Variants in PARP8 observed in about 807,000 individuals in gnomAD.
PARP8 encodes poly(ADP-ribose) polymerase family member 8, also known as protein mono-ADP-ribosyltransferase PARP8.
PARP8 carries 51 observed loss-of-function variants against 124.1 expected under a neutral mutation model. That is an observed-to-expected ratio of 0.41 (90% CI 0.33 to 0.52). The LOEUF (loss-of-function observed/expected upper bound fraction) is 0.52. PARP8 is among the 20% of genes least tolerant of loss of function. PARP8 has a pLI of 0.21. For missense variants in PARP8, 860 were observed against 1,018.9 expected (o/e 0.84, Z 2.12); for synonymous variants, 391 against 361.5 (o/e 1.08, Z -0.93).
intron 2 of PARP8, among the ~76,000 whole-genome samples, chr5:50,691,723 A>G (rs1435809463): frequency 1.3e-5 from 2 of 152,132 alleles, no homozygotes; most frequent in Admixed American, 6.6e-5. Context: ...CCTACTAGAC[A>G]TCACAAACTG....
At chr5:50,739,195 A>G in intron 2 of PARP8, 1 of 636,540 alleles carries the variant, frequency 1.6e-6, no homozygotes, top group East Asian at 2.7e-5. Context: ...CTTCCATTGC[A>G]GGGGGATCTG....
chr5:50,770,724 C>CGAAA (rs70972946), intron 7 of PARP8, among the ~76,000 whole-genome samples: 35,349 of 149,992 alleles, frequency 0.24, 4,942 homozygotes, highest in African/African-American at 0.4. Context: ...AGAAAGAAAA[C>CGAAA]GAAGGAAAGA....
intron 2 of PARP8, among the ~76,000 whole-genome samples, chr5:50,740,257 C>A (rs533775367): frequency 6.6e-5 from 10 of 152,210 alleles, no homozygotes; most frequent in African/African-American, 2.4e-4. Context: ...AAGATCTGAT[C>A]AAGTCTGGGA....
chr5:50,698,463 A>G (rs967943225), intron 2 of PARP8, among the ~76,000 whole-genome samples: 5 of 152,162 alleles, frequency 3.3e-5, no homozygotes, highest in Non-Finnish European at 4.4e-5. Context: ...CTTATTCCTT[A>G]TTATCTTCTT....
chr5:50,751,110 A>C (rs1580201299), intron 3 of PARP8, among the ~76,000 whole-genome samples: 1 of 146,306 alleles, frequency 6.8e-6, no homozygotes, highest in Admixed American at 6.9e-5. Flanking sequence ...ACTTTAAGTC[A>C]AGGTAATAGA....
intron 7 of PARP8, among the ~76,000 whole-genome samples, chr5:50,773,992 A>C (rs192040507): frequency 6.6e-6 from 1 of 152,124 alleles, no homozygotes; most frequent in African/African-American, 2.4e-5. Context: ...GCGGCCTTCC[A>C]CAGTGTTTGT....
At chr5:50,709,955 TACAC>T (rs1554047144) in intron 2 of PARP8, among the ~76,000 whole-genome samples, 26 of 103,310 alleles carry the variant, frequency 2.5e-4, no homozygotes, top group African/African-American at 6.4e-4. Context: ...TATATATATA[TACAC>T]ATACATATAT....
rs147910605 is a variant in PARP8 at position 50,825,388 on chromosome 5, A to G, written c.1928+413A>G. ...TTCTAATCTAAAATAAATGTTTTAT[A>G]TTTTGCTCCCTTAACAAGGCAGTAT... is the stretch of plus-strand genomic sequence containing the variant. On this transcript the variant is annotated intron_variant, in intron 18 of 25. Coordinates refer to ENST00000281631, the MANE Select transcript of PARP8 (RefSeq NM_024615.4). 3.3e-5 allele frequency among the ~76,000 whole-genome samples: 5 copies of G among 152,274 alleles called. No individual in the cohort carries two copies. The East Asian group carries it at 7.7e-4, about 23-fold the overall frequency.
At chr5:50,709,393 A>C (rs1754487880) in intron 2 of PARP8, among the ~76,000 whole-genome samples, 1 of 151,726 alleles carries the variant, frequency 6.6e-6, no homozygotes, top group South Asian at 2.1e-4. Context: ...TTCATGTGCC[A>C]AGTATATTCT....
At position 50,816,334 on chromosome 5, in the gene PARP8, A is replaced by C. The variant is rs7706006; in HGVS notation, c.1668+810A>C. Among the ~76,000 whole-genome samples the C allele has an allele frequency of 2.5e-3, 381 of 152,340 alleles. 1 individual carries two copies. Among genetic ancestry groups the C allele is most frequent in the African/African-American group, 8.6e-3 (358 of 41,594 alleles). On this transcript the variant is annotated intron_variant, in intron 15 of 25. Coordinates refer to ENST00000281631, the MANE Select transcript of PARP8 (RefSeq NM_024615.4). ...AAATTGGTTTAGCGCTTTACCTTAC[A>C]CTGTGTGCAAAAACAGATTTCAGAT...
intron 25 of PARP8, among the ~76,000 whole-genome samples, chr5:50,835,464 C>G (rs2149724454): frequency 6.6e-6 from 1 of 152,130 alleles, no homozygotes; most frequent in Non-Finnish European, 1.5e-5. Flanking sequence ...CGCTTGAACC[C>G]AAGAGGTGGA....
At chr5:50,786,272 C>G (rs1379450475) in intron 9 of PARP8, among the ~76,000 whole-genome samples, 1 of 152,032 alleles carries the variant, frequency 6.6e-6, no homozygotes, top group Non-Finnish European at 1.5e-5. Context: ...TAACTTCATT[C>G]TTGCCAAATG....
chr5:50,812,310 T>C (rs1032949513), intron 14 of PARP8, among the ~76,000 whole-genome samples: 39 of 152,300 alleles, frequency 2.6e-4, no homozygotes, highest in African/African-American at 8.2e-4. Context: ...TGGTATCTCA[T>C]TGTGGTTTTG....
intron 2 of PARP8, among the ~76,000 whole-genome samples, chr5:50,739,981 C>T (rs1019748579): frequency 2.6e-5 from 4 of 151,800 alleles, no homozygotes; most frequent in Non-Finnish European, 4.4e-5. Flanking sequence ...GAACTCCTGA[C>T]CTCATGATCC....
chr5:50,711,892 G>A (rs1474717728), intron 2 of PARP8, among the ~76,000 whole-genome samples: 1 of 151,938 alleles, frequency 6.6e-6, no homozygotes, highest in East Asian at 1.9e-4. Flanking sequence ...TCTCTTTTAA[G>A]CGAGTAGAGT....
chr5:50,758,119 A>T (rs566776340), intron 3 of PARP8, among the ~76,000 whole-genome samples: 1 of 152,332 alleles, frequency 6.6e-6, no homozygotes, highest in South Asian at 2.1e-4. Context: ...TACTGAAAGT[A>T]TGAGGTTACT....
chr5:50,768,830 GT>G (rs1230569662), intron 7 of PARP8, among the ~76,000 whole-genome samples: 11 of 152,138 alleles, frequency 7.2e-5, no homozygotes, highest in African/African-American at 2.4e-4. Context: ...TAATCTCTCA[GT>G]GGGAAATATG....
chr5:50,813,340 A>T (rs1744698133), intron 14 of PARP8, among the ~76,000 whole-genome samples: 1 of 152,028 alleles, frequency 6.6e-6, no homozygotes, highest in Admixed American at 6.5e-5. Flanking sequence ...TAGGTATTTT[A>T]TTCTCTTTGA....
chr5:50,748,313 A>G (rs1165874717), intron 2 of PARP8, among the ~76,000 whole-genome samples: 1 of 152,178 alleles, frequency 6.6e-6, no homozygotes, highest in African/African-American at 2.4e-5. Flanking sequence ...TTTACATAAT[A>G]TGCAAGGACC....
Sources: gnomAD v4.1 joint callset for allele counts (sites outside exome capture counted in the v4.1 genomes callset) on GRCh38, gnomAD v4.1.1 for gene constraint, MANE v1.5 for transcripts, NCBI Gene and HGNC (gene_info 2026-07-23, HGNC 2026-07-21) for gene names.